MTF1: variants seen among roughly 807,000 people sequenced by gnomAD.
MTF1 encodes the protein MRE-binding transcription factor.
Under a neutral mutation model 70.4 loss-of-function variants are expected in MTF1, and 22 were observed. That is an observed-to-expected ratio of 0.31 (90% confidence interval 0.22 to 0.45). The LOEUF is 0.45. MTF1 is among the 20% of genes least tolerant of loss of function. The probability of loss-of-function intolerance (pLI) is 1.00; values close to 1 mark genes in which losing one functional copy is unlikely to be tolerated. For missense variants in MTF1, 649 were observed against 922.0 expected (o/e 0.70, Z 3.83); for synonymous variants, 333 against 352.8 (o/e 0.94, Z 0.63).
chr1:37,833,192 C>A (rs1477280909), intron 6 of MTF1, among the ~76,000 whole-genome samples: 2 of 152,122 alleles, frequency 1.3e-5, no homozygotes, highest in Admixed American at 1.3e-4. Context: ...CTCTATATCC[C>A]CATTTTTTAT....
chr1:37,820,843 TA>T (rs1236385196), intron 9 of MTF1, among the ~76,000 whole-genome samples: 1 of 151,854 alleles, frequency 6.6e-6, no homozygotes, highest in East Asian at 1.9e-4. Context: ...ATGTTAGTAA[TA>T]GGGGAAAAAA....
intron 9 of MTF1, among the ~76,000 whole-genome samples, chr1:37,819,671 G>A (rs1250213405): frequency 6.6e-6 from 1 of 150,588 alleles, no homozygotes; most frequent in Non-Finnish European, 1.5e-5. Flanking sequence ...AATAATGGAG[G>A]CTGGGCGTGG....
chr1:37,847,509 A>G (rs1345740054), intron 2 of MTF1, among the ~76,000 whole-genome samples: 1 of 152,226 alleles, frequency 6.6e-6, no homozygotes, highest in Non-Finnish European at 1.5e-5. Flanking sequence ...CACCATTGCC[A>G]GCATAATAGA....
intron 3 of MTF1, among the ~76,000 whole-genome samples, chr1:37,839,651 A>G (rs951778292): frequency 1.3e-5 from 2 of 152,218 alleles, no homozygotes; most frequent in Non-Finnish European, 2.9e-5. Flanking sequence ...ATGCTGCTCC[A>G]TGAGATGCAA....
chr1:37,822,032 C>T, intron 9 of MTF1, 89 bp downstream of exon 9: 2 of 1,049,822 alleles, frequency 1.9e-6, no homozygotes, highest in East Asian at 2.5e-5. Context: ...ATATGACAGC[C>T]ACTTTTCTTT....
At chr1:37,818,133 A>T (rs746602089) in intron 9 of MTF1, among the ~76,000 whole-genome samples, 3 of 152,186 alleles carry the variant, frequency 2.0e-5, no homozygotes, top group Non-Finnish European at 4.4e-5. Flanking sequence ...CTATGGATGG[A>T]GTATCTGTCC....
At chr1:37,855,731 T>C (rs983079184) in intron 2 of MTF1, among the ~76,000 whole-genome samples, 1 of 152,028 alleles carries the variant, frequency 6.6e-6, no homozygotes, top group African/African-American at 2.4e-5. Flanking sequence ...CCAAGGCAGG[T>C]GGATCACCTG....
Position 37,810,018 on chromosome 1 carries a change from C to T in MTF1, c.*5118G>A, listed in dbSNP as rs758316798. On this transcript the variant is annotated 3_prime_UTR_variant, in exon 11 of 11. Transcript: ENST00000373036. ...AAAAATCTGTTTCCAGCCACCCTCC[C>T]CAAATAGGGACTAGAAAGAGTTCAC... 1 of 152,364 alleles carries T rather than the reference C, an allele frequency of 6.6e-6. No individual in the cohort carries two copies. The highest frequency in any genetic ancestry group is 1.5e-5 in the Non-Finnish European group (1 of 68,036). 9.4% of individuals were successfully genotyped at this position (152,364 alleles called of 1,614,324 possible). A position where few individuals can be genotyped will look rare whatever the true frequency, so the allele number is the denominator to read the frequency against.
chr1:37,826,430 G>A (rs917713648), intron 7 of MTF1: 11 of 352,716 alleles, frequency 3.1e-5, no homozygotes, highest in African/African-American at 8.8e-5. Flanking sequence ...ACAGGCGCAC[G>A]CCACCATGCC....
Position 37,852,366 on chromosome 1 carries a change from T to C in MTF1, c.408+4885A>G, listed in dbSNP as rs568548094. On this transcript the variant is annotated intron_variant, in intron 2 of 10. Coordinates refer to ENST00000373036, the MANE Select transcript of MTF1 (RefSeq NM_005955.3). ...CCTACCAAACTCTTTAATTACCCCA[T>C]CAAAACTTTTTCCTTTTCCCATCTT... 5.9e-5 allele frequency among the ~76,000 whole-genome samples: 9 copies of C among 152,336 alleles called. No homozygotes were observed. In the South Asian group the frequency reaches 1.5e-3, roughly 25 times the overall value.
At chr1:37,838,819 T>TTTTTTTTTTTTTTTTTTTTTTTTC in intron 3 of MTF1, 63 bp from the exon 4 acceptor site, 3 of 1,185,150 alleles carry the variant, frequency 2.5e-6, no homozygotes, top group Non-Finnish European at 2.2e-6. Flanking sequence ...TTTTTTTTTT[T>TTTTTTTTTTTTTTTTTTTTTTTTC]CTGAGACAGA....
Position 37,859,443 on chromosome 1 carries a change from T to G in MTF1, c.-52+88A>C, listed in dbSNP as rs184856198. On this transcript the variant is annotated intron_variant, in intron 1 of 10. Transcript: ENST00000373036. ...TCCCTATGGTGACCAAACTGAGGTCTCTATTGGGAAATGCTTCAGGAGGGA... is the reference window on the plus strand; with the variant it reads ...TCCCTATGGTGACCAAACTGAGGTCGCTATTGGGAAATGCTTCAGGAGGGA... The G allele has an allele frequency of 1.7e-3, 672 of 398,502 alleles. 2 individuals carry two copies. Among genetic ancestry groups the G allele is most frequent in the Non-Finnish European group, 2.4e-3 (534 of 226,066 alleles). The allele number at this position is 398,502 out of a possible 1,614,324, so 24.7% of individuals were successfully genotyped here. A position where few individuals can be genotyped will look rare whatever the true frequency, so the allele number is the denominator to read the frequency against.
At chr1:37,843,303 G>GTT (rs989250808) in intron 2 of MTF1, among the ~76,000 whole-genome samples, 1 of 148,156 alleles carries the variant, frequency 6.7e-6, no homozygotes, top group Non-Finnish European at 1.5e-5. Flanking sequence ...GCCTGGCCTG[G>GTT]TTTTTTTTTT....
intron 6 of MTF1, chr1:37,834,545 T>C (rs999643074): frequency 2.8e-5 from 11 of 386,136 alleles, no homozygotes; most frequent in African/African-American, 1.9e-4. Context: ...TGCTTTATGG[T>C]TCAGAAAGAT....
At chr1:37,845,799 C>T (rs1192073498) in intron 2 of MTF1, among the ~76,000 whole-genome samples, 1 of 152,160 alleles carries the variant, frequency 6.6e-6, no homozygotes, top group Non-Finnish European at 1.5e-5. Flanking sequence ...AGCCACCACA[C>T]CCGGCCTGAA....
At chr1:37,816,357 T>C (rs1369614787) in intron 10 of MTF1, among the ~76,000 whole-genome samples, 1 of 152,068 alleles carries the variant, frequency 6.6e-6, no homozygotes, top group Non-Finnish European at 1.5e-5. Context: ...GCCAATATAG[T>C]GAGACTCTGT....
intron 6 of MTF1, among the ~76,000 whole-genome samples, chr1:37,833,812 T>C (rs747276634): frequency 1.3e-5 from 2 of 151,798 alleles, no homozygotes; most frequent in Non-Finnish European, 2.9e-5. Context: ...GTATCAACCA[T>C]GCACATATCT....
chr1:37,840,485 T>G lies in MTF1; in HGVS notation c.409-327A>C. The G allele has an allele frequency of 2.1e-6, 1 of 480,228 alleles. No homozygotes were observed. The allele number at this position is 480,228 out of a possible 1,614,324, so 29.7% of individuals were successfully genotyped here. On this transcript the variant is annotated intron_variant, in intron 2 of 10. Coordinates refer to ENST00000373036, the MANE Select transcript of MTF1 (RefSeq NM_005955.3). This position sits in a 1 kb window ranked among gnomAD's most constrained non-coding sequence, Gnocchi z 4.5. ...TACAGCTACCTGTATTCAGATAAGA[T>G]CTTAACTTTGTTTTAAGGCTTGACT...
rs1395453005 is a variant in MTF1 at position 37,855,426 on chromosome 1, G to A, written c.408+1825C>T. Among the ~76,000 whole-genome samples the A allele has an allele frequency of 2.6e-5, 4 of 152,146 alleles. No individual in the cohort carries two copies. The East Asian group carries it at 7.7e-4, about 29-fold the overall frequency. ...TCAAGCAGAAACAAGATTAACTGAT[G>A]TCAGGGATGCCATAGGGAGATTTCT... On this transcript the variant is annotated intron_variant, in intron 2 of 10. Transcript: ENST00000373036.
Sources: gnomAD v4.1 joint callset for allele counts (sites outside exome capture counted in the v4.1 genomes callset) on GRCh38, gnomAD v4.1.1 for gene constraint, Gnocchi (gnomAD v3.1) non-coding constraint, MANE v1.5 for transcripts, NCBI Gene and HGNC (gene_info 2026-07-23, HGNC 2026-07-21) for gene names.